The following ITGA9 variants were observed in gnomAD, a reference collection of about 807,000 sequenced individuals.
The protein encoded by ITGA9 is integrin subunit alpha 9.
Under a neutral mutation model 127.8 loss-of-function variants are expected in ITGA9, and 56 were observed. That is an observed-to-expected ratio of 0.44 (90% CI 0.35 to 0.55). The LOEUF (loss-of-function observed/expected upper bound fraction) is 0.55, where lower values mean the gene tolerates loss of function less well. Ranked by LOEUF, ITGA9 falls within the 20% of genes least tolerant of loss-of-function variation. The pLI, the probability that ITGA9 is intolerant of heterozygous loss-of-function variation, is 0.00. For missense variants in ITGA9, 1,196 were observed against 1,347.1 expected (o/e 0.89, Z 1.76); for synonymous variants, 508 against 514.5 (o/e 0.99, Z 0.17).
At chr3:37,544,783 G>C (rs547179936) in intron 15 of ITGA9, among the ~76,000 whole-genome samples, 1 of 152,150 alleles carries the variant, frequency 6.6e-6, no homozygotes, top group Non-Finnish European at 1.5e-5. Context: ...AGGTGGGAGC[G>C]GAGAAATACA....
intron 4 of ITGA9, among the ~76,000 whole-genome samples, chr3:37,484,515 G>A (rs2434132): frequency 0.53 from 80,728 of 151,770 alleles, 21,756 homozygotes; most frequent in African/African-American, 0.63. Context: ...TCTGTTCCAC[G>A]TTAGGGGTCA....
chr3:37,613,513 G>A (rs1489106466), intron 15 of ITGA9, among the ~76,000 whole-genome samples: 2 of 152,186 alleles, frequency 1.3e-5, no homozygotes, highest in Non-Finnish European at 2.9e-5. Context: ...GGTATTTCTA[G>A]TTCTAGATCT....
At chr3:37,757,111 G>C (rs932053434) in intron 23 of ITGA9, among the ~76,000 whole-genome samples, 1 of 151,570 alleles carries the variant, frequency 6.6e-6, no homozygotes, top group Non-Finnish European at 1.5e-5. Context: ...AACTAGACAA[G>C]GGACAATGAA....
At chr3:37,659,266 G>T (rs914977070) in intron 17 of ITGA9, among the ~76,000 whole-genome samples, 9 of 152,268 alleles carry the variant, frequency 5.9e-5, no homozygotes, top group African/African-American at 2.2e-4. Context: ...ATATCCTGAA[G>T]AGTGTTTTCC....
At chr3:37,652,867 T>C (rs1184642498) in intron 16 of ITGA9, among the ~76,000 whole-genome samples, 2 of 152,184 alleles carry the variant, frequency 1.3e-5, no homozygotes, top group Non-Finnish European at 2.9e-5. Context: ...AGATCTGAAA[T>C]GTCAGAGAGG....
In ITGA9 at chr3:37,452,647, T is replaced by G; in HGVS notation, c.185+88T>G. 4 of 1,181,438 alleles carry G rather than the reference T, an allele frequency of 3.4e-6. No individual in the cohort carries two copies. Among genetic ancestry groups the G allele is most frequent in the East Asian group, 3.4e-5 (1 of 29,748 alleles). The allele number at this position is 1,181,438 out of a possible 1,614,324, so 73.2% of individuals were successfully genotyped here. ...GCGCCGCCGCCGCCTTTCCGGTCTC[T>G]TCCACGCCGCCGTCCCGAGGGGGCG... is the stretch of plus-strand genomic sequence containing the variant. On this transcript the variant is annotated intron_variant, in intron 1 of 27. Transcript: ENST00000264741. This position sits in a 1 kb window ranked among gnomAD's most constrained non-coding sequence, Gnocchi z 7.3.
chr3:37,687,830 T>C (rs1025260152), intron 18 of ITGA9, among the ~76,000 whole-genome samples: 3 of 152,188 alleles, frequency 2.0e-5, no homozygotes, highest in Non-Finnish European at 2.9e-5. Context: ...CCTGATACAA[T>C]GATACAGGTA....
At chr3:37,500,525 A>G (rs1216868329) in intron 5 of ITGA9, among the ~76,000 whole-genome samples, 3 of 152,224 alleles carry the variant, frequency 2.0e-5, no homozygotes, top group South Asian at 4.1e-4. Context: ...CAAATTAACC[A>G]TAACACGTAT....
intron 22 of ITGA9, chr3:37,745,547 T>C (rs867260966): frequency 2.6e-5 from 4 of 152,244 alleles, no homozygotes; most frequent in African/African-American, 9.6e-5. Context: ...CCTACTCTTA[T>C]AGTTTTGGGG....
At chr3:37,610,144 C>T (rs1700002907) in intron 15 of ITGA9, among the ~76,000 whole-genome samples, 2 of 152,130 alleles carry the variant, frequency 1.3e-5, no homozygotes, top group Admixed American at 1.3e-4. Context: ...AATAAGCAGC[C>T]TTGTTTTGGG....
chr3:37,606,527 T>C (rs1271044510), intron 15 of ITGA9, among the ~76,000 whole-genome samples: 1 of 152,212 alleles, frequency 6.6e-6, no homozygotes, highest in Non-Finnish European at 1.5e-5. Context: ...ACCCCAACTC[T>C]GAGCCCCAGG....
At chr3:37,511,307 T>C (rs1048955659) in intron 8 of ITGA9, among the ~76,000 whole-genome samples, 1 of 152,186 alleles carries the variant, frequency 6.6e-6, no homozygotes, top group East Asian at 1.9e-4. Flanking sequence ...CAGACACACA[T>C]CTCCACATTT....
At chr3:37,735,726 C>T (rs1696352784) in intron 19 of ITGA9, among the ~76,000 whole-genome samples, 2 of 152,176 alleles carry the variant, frequency 1.3e-5, no homozygotes, top group South Asian at 4.1e-4. Flanking sequence ...TGGTGAACAC[C>T]ATTTACTTAG....
At chr3:37,527,736 A>G (rs1699107866) in intron 13 of ITGA9, among the ~76,000 whole-genome samples, 1 of 151,838 alleles carries the variant, frequency 6.6e-6, no homozygotes, top group Non-Finnish European at 1.5e-5. Context: ...GATTCTTCTC[A>G]AATAAAACAC....
intron 23 of ITGA9, among the ~76,000 whole-genome samples, chr3:37,768,815 A>C (rs981239997): frequency 1.3e-5 from 2 of 151,542 alleles, no homozygotes; most frequent in African/African-American, 4.9e-5. Flanking sequence ...CAAAAACCAC[A>C]CTGGGGATGA....
intron 1 of ITGA9, among the ~76,000 whole-genome samples, chr3:37,458,753 C>T (rs967344128): frequency 3.3e-5 from 5 of 152,178 alleles, no homozygotes; most frequent in African/African-American, 4.8e-5. Flanking sequence ...GTGTGTGGAG[C>T]GTCAGGACTG....
chr3:37,533,066 C>A (rs141712492), intron 13 of ITGA9, among the ~76,000 whole-genome samples: 2 of 152,162 alleles, frequency 1.3e-5, no homozygotes, highest in African/African-American at 4.8e-5. Flanking sequence ...CAACCAGATG[C>A]GTTTTATTAA....
At chr3:37,492,751 A>G (rs1024835982) in intron 4 of ITGA9, among the ~76,000 whole-genome samples, 1 of 152,168 alleles carries the variant, frequency 6.6e-6, no homozygotes, top group African/African-American at 2.4e-5. Flanking sequence ...TCATTTTTTC[A>G]AGAGTTACAA....
intron 11 of ITGA9, among the ~76,000 whole-genome samples, chr3:37,520,413 A>T (rs1333672704): frequency 6.6e-6 from 1 of 152,184 alleles, no homozygotes; most frequent in East Asian, 1.9e-4. Flanking sequence ...TTTATCCACG[A>T]GGCCCAAGGA....
Sources: gnomAD v4.1 joint callset for allele counts (sites outside exome capture counted in the v4.1 genomes callset) on GRCh38, gnomAD v4.1.1 for gene constraint, Gnocchi (gnomAD v3.1) non-coding constraint, MANE v1.5 for transcripts, NCBI Gene and HGNC (gene_info 2026-07-23, HGNC 2026-07-21) for gene names.